DNAJB4: variants seen among roughly 807,000 people sequenced by gnomAD.
DNAJB4 encodes DnaJ heat shock protein family (Hsp40) member B4.
In DNAJB4, 10 loss-of-function variants were observed where a neutral mutation model predicts 26.6. The observed-to-expected ratio is 0.38, with a 90% CI of 0.23 to 0.64. The LOEUF is 0.64. Among genes scored for constraint, DNAJB4 ranks in the 30% least tolerant of loss-of-function variants. DNAJB4 has a pLI of 0.58. For missense variants in DNAJB4, 328 were observed against 408.2 expected, an observed-to-expected ratio of 0.80 and a Z score of 1.69; for synonymous variants, 136 against 134.8, an observed-to-expected ratio of 1.01 and a Z score of -0.06.
Position 78,013,411 on chromosome 1 carries a change from G to C in DNAJB4, c.572G>C (p.Arg191Thr), listed in dbSNP as rs751645359. The C allele has an allele frequency of 6.2e-7, 1 of 1,614,124 alleles. No homozygotes were observed. Among genetic ancestry groups the C allele is most frequent in the Non-Finnish European group, 8.5e-7 (1 of 1,180,020 alleles). The change falls in exon 2 of 3, where the codon AGG becomes ACG. Residue 191 changes from arginine to threonine, a missense_variant. Arg to Thr is a moderately conservative substitution (Grantham distance 71, BLOSUM62 -1). Transcript: ENST00000370763. Reference sequence around the variant, plus strand: ...CGAAAAAGGCTAAACGCTGATGGAAGGAGTTACAGATCTGAGGACAAAATT... The same window carrying C: ...CGAAAAAGGCTAAACGCTGATGGAACGAGTTACAGATCTGAGGACAAAATT... ...ISRKRLNADG[R>T]SYRSEDKILT...
intron 1 of DNAJB4, among the ~76,000 whole-genome samples, chr1:77,995,607 T>C (rs1404336218): frequency 4.6e-5 from 7 of 151,930 alleles, no homozygotes; most frequent in Non-Finnish European, 1.0e-4. Context: ...TGCATGCCAC[T>C]ACATCTGGCT....
intron 1 of DNAJB4, among the ~76,000 whole-genome samples, chr1:77,984,205 C>CTT (rs1659738503): frequency 2.0e-5 from 3 of 152,210 alleles, no homozygotes; most frequent in Admixed American, 6.5e-5. Flanking sequence ...TGCCTTGTTT[C>CTT]TGCATTCATC....
At position 78,016,050 on chromosome 1, in the gene DNAJB4, G is replaced by C. The variant is rs1219115650; in HGVS notation, c.817G>C (p.Asp273His). The change falls in exon 3 of 3, where the codon GAT becomes CAT. Residue 273 changes from aspartate to histidine, a missense_variant. Coordinates refer to ENST00000370763, the MANE Select transcript of DNAJB4 (RefSeq NM_007034.5). The stretch of plus-strand genomic sequence containing the variant: ...CTGCTCAATTAATGTACCAACACTG[G>C]ATGGAAGAAACATACCTATGTCAGT... ...CGCSINVPTLDGRNIPMSVND... is the reference protein window; with the variant it reads ...CGCSINVPTLHGRNIPMSVND... The C allele has an allele frequency of 5.0e-6, 8 of 1,613,834 alleles. No individual in the cohort carries two copies. The highest frequency in any genetic ancestry group is 6.8e-6 in the Non-Finnish European group (8 of 1,180,012).
chr1:77,994,598 T>A (rs1571430608), intron 1 of DNAJB4, among the ~76,000 whole-genome samples: 1 of 132,912 alleles, frequency 7.5e-6, no homozygotes, highest in South Asian at 2.4e-4. Context: ...TTTTTTTTTT[T>A]AACTACTCTC....
At chr1:77,992,937 T>C (rs1179420748) in intron 1 of DNAJB4, 1 of 152,260 alleles carries the variant, frequency 6.6e-6, no homozygotes, top group East Asian at 1.9e-4. Flanking sequence ...TTGGCCAGGC[T>C]GGTCTCGAAC....
chr1:77,980,335 ATATATGTGTGTGTG>A (rs1023520643), intron 1 of DNAJB4: 2 of 123,782 alleles, frequency 1.6e-5, no homozygotes, highest in African/African-American at 7.4e-5. Flanking sequence ...ATATATATAT[ATATATGTGTGTGTG>A]TGTGTGTGTG....
Position 78,005,053 on chromosome 1 carries a change from C to A in DNAJB4, c.-58C>A. On this transcript the variant is annotated 5_prime_UTR_variant, in exon 1 of 3. It adds an upstream start codon to the 5' untranslated region. Transcript: ENST00000370763. ...TTTTTCTTAGAATCTGTTGCTAAGA[C>A]TGGGGACGCTGTTTTCTTTTACAAA... is the stretch of plus-strand genomic sequence containing the variant. 1.3e-6 allele frequency: 2 copies of A among 1,532,652 alleles called. No homozygotes were observed. The highest frequency in any genetic ancestry group is 1.8e-6 in the Non-Finnish European group (2 of 1,120,430). 94.9% of individuals were successfully genotyped at this position (1,532,652 alleles called of 1,614,324 possible).
intron 1 of DNAJB4, among the ~76,000 whole-genome samples, chr1:78,012,701 C>T (rs867247159): frequency 1.3e-5 from 2 of 151,944 alleles, no homozygotes; most frequent in African/African-American, 4.8e-5. Flanking sequence ...CCCAGCTACT[C>T]GGGAGGCTGA....
chr1:78,002,820 A>G (rs551610814), upstream of DNAJB4, among the ~76,000 whole-genome samples: 1 of 152,058 alleles, frequency 6.6e-6, no homozygotes, highest in Non-Finnish European at 1.5e-5. Flanking sequence ...TACGATTCTT[A>G]TGTGTGTGTG....
intron 1 of DNAJB4, among the ~76,000 whole-genome samples, chr1:77,987,998 GCATACATTATATATATA>G (rs1659836603): frequency 1.4e-5 from 2 of 144,308 alleles, no homozygotes; most frequent in Admixed American, 7.0e-5. Flanking sequence ...TAATATATAT[GCATACATTATATATATA>G]TGTGTGTGTG....
At chr1:77,997,214 A>C (rs1410399770) in intron 1 of DNAJB4, among the ~76,000 whole-genome samples, 1 of 151,580 alleles carries the variant, frequency 6.6e-6, no homozygotes, top group Admixed American at 6.6e-5. Context: ...GTGCAGTTGC[A>C]CATGCCTGTA....
chr1:77,985,557 T>A (rs1159928129), intron 1 of DNAJB4, among the ~76,000 whole-genome samples: 1 of 152,172 alleles, frequency 6.6e-6, no homozygotes, highest in Non-Finnish European at 1.5e-5. Flanking sequence ...CAAGCAAGAA[T>A]GTTAGTTTTA....
At chr1:77,992,240 C>A (rs1027116002) in intron 1 of DNAJB4, among the ~76,000 whole-genome samples, 13 of 150,796 alleles carry the variant, frequency 8.6e-5, no homozygotes, top group Admixed American at 8.6e-4. Context: ...GGTGAAACCC[C>A]GTCTCTACTA....
intron 1 of DNAJB4, among the ~76,000 whole-genome samples, chr1:77,992,260 A>C (rs1279752394): frequency 6.6e-6 from 1 of 151,080 alleles, no homozygotes; most frequent in African/African-American, 2.4e-5. Flanking sequence ...AAAAATACAA[A>C]AAATTAGCCG....
chr1:78,008,137 T>C (rs1265306717), intron 1 of DNAJB4, among the ~76,000 whole-genome samples: 2 of 152,166 alleles, frequency 1.3e-5, no homozygotes, highest in Non-Finnish European at 2.9e-5. Flanking sequence ...GAAGGATTGC[T>C]TGAGCCCAAG....
At chr1:78,006,564 T>C (rs1051166081) in intron 1 of DNAJB4, among the ~76,000 whole-genome samples, 1 of 152,238 alleles carries the variant, frequency 6.6e-6, no homozygotes, top group East Asian at 1.9e-4. Context: ...GGTGATTGTA[T>C]ATAGAGGGTT....
intron 1 of DNAJB4, among the ~76,000 whole-genome samples, chr1:77,988,129 A>G (rs1363303750): frequency 1.3e-5 from 2 of 149,708 alleles, no homozygotes; most frequent in East Asian, 4.0e-4. Flanking sequence ...TGCTCAAGCA[A>G]TCTTGCCTCG....
At chr1:77,995,566 C>T (rs1660040463) in intron 1 of DNAJB4, among the ~76,000 whole-genome samples, 1 of 152,154 alleles carries the variant, frequency 6.6e-6, no homozygotes, top group African/African-American at 2.4e-5. Flanking sequence ...GATCCTCCTG[C>T]CTCAGCCTCC....
chr1:77,997,439 T>C (rs966289120), intron 1 of DNAJB4, among the ~76,000 whole-genome samples: 3 of 151,772 alleles, frequency 2.0e-5, no homozygotes, highest in Non-Finnish European at 4.4e-5. Flanking sequence ...CCAGGAGAGA[T>C]CATGGCTGCA....
Sources: gnomAD v4.1 joint callset for allele counts (sites outside exome capture counted in the v4.1 genomes callset) on GRCh38, gnomAD v4.1.1 for gene constraint, MANE v1.5 for transcripts, NCBI Gene and HGNC (gene_info 2026-07-23, HGNC 2026-07-21) for gene names.